Variants in TBX18 observed in about 807,000 individuals in gnomAD.
TBX18 encodes the protein T-box transcription factor TBX18.
In TBX18, 21 loss-of-function variants were observed where a neutral mutation model predicts 55.0. That is an observed-to-expected ratio of 0.38 (90% confidence interval 0.27 to 0.55). TBX18 has a LOEUF of 0.55. Among genes scored for constraint, TBX18 ranks in the 20% least tolerant of loss-of-function variants. TBX18 has a pLI of 0.73. For synonymous variants in TBX18, 342 were observed against 326.1 expected, an observed-to-expected ratio of 1.05 and a Z score of -0.53; for missense variants, 840 against 799.6, an observed-to-expected ratio of 1.05 and a Z score of -0.61.
At position 84,748,022 on chromosome 6, in the gene TBX18, G is replaced by C. The variant is rs371936509; in HGVS notation, c.837C>G (p.Asp279Glu). 1 of 1,613,498 alleles carries C rather than the reference G, an allele frequency of 6.2e-7. No individual in the cohort carries two copies. Among genetic ancestry groups the C allele is most frequent in the Non-Finnish European group, 8.5e-7 (1 of 1,179,528 alleles). Residue 279 changes from aspartate to glutamate, a missense_variant, in exon 5 of 8, where the codon GAC becomes GAG. Transcript: ENST00000369663. ...GAACAGGCTTGATGGGAGAAAGATCGTCTCCACAGTCTTTACGGATGACGT... is the reference window on the plus strand; with the variant it reads ...GAACAGGCTTGATGGGAGAAAGATCCTCTCCACAGTCTTTACGGATGACGT... ...RVHVIRKDCGDDLSPIKPVPS... is the reference protein window; with the variant it reads ...RVHVIRKDCGEDLSPIKPVPS...
chr6:84,754,209 T>A (rs1455798763), intron 4 of TBX18, among the ~76,000 whole-genome samples: 1 of 152,210 alleles, frequency 6.6e-6, no homozygotes. Flanking sequence ...ATTACAGGCA[T>A]GAGCCACCAT....
chr6:84,746,399 T>C (rs982292317), intron 5 of TBX18, among the ~76,000 whole-genome samples: 2 of 147,748 alleles, frequency 1.4e-5, no homozygotes, highest in Admixed American at 6.8e-5. Flanking sequence ...TCTCATAATA[T>C]ACTAAATATA....
chr6:84,757,786 G>A (rs961377370), intron 3 of TBX18, among the ~76,000 whole-genome samples: 5 of 151,422 alleles, frequency 3.3e-5, no homozygotes, highest in Admixed American at 6.6e-5. Context: ...TTTAAAATAA[G>A]CTAATTAAAA....
intron 5 of TBX18, among the ~76,000 whole-genome samples, chr6:84,746,472 C>A (rs944763924): frequency 4.2e-5 from 6 of 144,222 alleles, no homozygotes; most frequent in Non-Finnish European, 9.1e-5. Context: ...TATTATTGTA[C>A]AGTATATTAT....
At chr6:84,742,858 T>C (rs1767082167) in intron 6 of TBX18, among the ~76,000 whole-genome samples, 1 of 152,094 alleles carries the variant, frequency 6.6e-6, no homozygotes. Context: ...TTCGCCAAGG[T>C]AGAATAGGAG....
intron 5 of TBX18, among the ~76,000 whole-genome samples, chr6:84,744,629 G>A (rs369053868): frequency 3.3e-5 from 5 of 152,044 alleles, no homozygotes; most frequent in Admixed American, 1.3e-4. Flanking sequence ...TGTTGGTAAC[G>A]TGCCCTATAA....
chr6:84,752,561 C>T (rs1424889553), intron 4 of TBX18, among the ~76,000 whole-genome samples: 3 of 152,186 alleles, frequency 2.0e-5, no homozygotes, highest in Non-Finnish European at 4.4e-5. Context: ...AGTTCATCAG[C>T]TCATTTAGTT....
chr6:84,758,527 GAC>G (rs1255206880), intron 3 of TBX18, among the ~76,000 whole-genome samples: 1 of 151,800 alleles, frequency 6.6e-6, no homozygotes, highest in Non-Finnish European at 1.5e-5. Context: ...TCTAATAAGT[GAC>G]AATAATTTTT....
At chr6:84,738,943 C>T (rs1022877202) in intron 6 of TBX18, among the ~76,000 whole-genome samples, 1 of 152,178 alleles carries the variant, frequency 6.6e-6, no homozygotes, top group East Asian at 1.9e-4. Context: ...CTGGAACACA[C>T]CCACTCTCCT....
chr6:84,753,723 T>C (rs1191269070), intron 4 of TBX18, among the ~76,000 whole-genome samples: 1 of 152,218 alleles, frequency 6.6e-6, no homozygotes, highest in Admixed American at 6.5e-5. Context: ...ATTCCTAATA[T>C]TTAATCTAGC....
chr6:84,745,215 C>T (rs1461370261), intron 5 of TBX18, among the ~76,000 whole-genome samples: 3 of 152,040 alleles, frequency 2.0e-5, no homozygotes, highest in Non-Finnish European at 4.4e-5. Context: ...AAATTTTTTA[C>T]AAATGGTTTA....
At chr6:84,748,470 C>G (rs184774640) in intron 4 of TBX18, among the ~76,000 whole-genome samples, 1 of 152,280 alleles carries the variant, frequency 6.6e-6, no homozygotes, top group East Asian at 1.9e-4. Context: ...TTGCACCACA[C>G]CCATCCCCTA....
chr6:84,755,279 T>C (rs554803635), intron 4 of TBX18, among the ~76,000 whole-genome samples: 3 of 152,204 alleles, frequency 2.0e-5, no homozygotes, highest in Non-Finnish European at 4.4e-5. Flanking sequence ...TGAAGGTATA[T>C]AGTTTTTATC....
rs4407684 is a variant in TBX18 at position 84,733,931 on chromosome 6, T to C, written c.*2754A>G. The C allele has an allele frequency of 0.46, 69,273 of 151,966 alleles. 16,769 individuals carry two copies. The highest frequency in any genetic ancestry group is 0.53 in the Non-Finnish European group (36,145 of 67,946). The allele number at this position is 151,966 out of a possible 1,614,324, so 9.4% of individuals were successfully genotyped here. ...GGGGCCACCAAGGATTCCTGACCCC[T>C]TACATTCCAGAAATCAAGGGTCAGC... On this transcript the variant is annotated 3_prime_UTR_variant, in exon 8 of 8. Transcript: ENST00000369663.
At chr6:84,737,830 G>A (rs1260325978) in intron 7 of TBX18, among the ~76,000 whole-genome samples, 2 of 152,162 alleles carry the variant, frequency 1.3e-5, no homozygotes, top group Non-Finnish European at 2.9e-5. Flanking sequence ...GTTTTATATA[G>A]TGTCTCAAAA....
chr6:84,746,592 G>A (rs1170023802), intron 5 of TBX18, among the ~76,000 whole-genome samples: 2 of 143,840 alleles, frequency 1.4e-5, no homozygotes, highest in Admixed American at 7.0e-5. Context: ...TTTATATAAT[G>A]TATATATCTT....
rs778475965 is a variant in TBX18, at chr6:84,756,785, C to A, written c.684G>T (p.Ser228=). The part of the protein sequence containing the change: ...VPPRVYIHPD[S]PASGETWMRQ... Reference sequence around the variant, plus strand: ...TCATCCAAGTCTCCCCCGAGGCAGGCGAGTCTGGATGAATGTACACACGGG... The same window carrying A: ...TCATCCAAGTCTCCCCCGAGGCAGGAGAGTCTGGATGAATGTACACACGGG... Residue 228 remains serine, a synonymous_variant, in exon 4 of 8, where the codon TCG becomes TCT. Coordinates refer to ENST00000369663, the MANE Select transcript of TBX18 (RefSeq NM_001080508.3). 1.2e-6 allele frequency: 2 copies of A among 1,613,952 alleles called. No individual in the cohort carries two copies. Among genetic ancestry groups the A allele is most frequent in the Non-Finnish European group, 1.7e-6 (2 of 1,180,026 alleles).
chr6:84,763,179 C>G (rs9450019), intron 1 of TBX18: 4 of 358,480 alleles, frequency 1.1e-5, no homozygotes, highest in Non-Finnish European at 2.2e-5. Context: ...GCAAAAGCGC[C>G]CGGACTCTGG....
chr6:84,763,983 A>G lies in TBX18; in HGVS notation c.199T>C (p.Ser67Pro). The change falls in exon 1 of 8, where the codon TCT (serine) becomes CCT (proline). Residue 67 changes from serine (S) to proline (P), a missense_variant. Coordinates refer to ENST00000369663, the MANE Select transcript of TBX18 (RefSeq NM_001080508.3). ...AGCGCAGCGCCTTCGTCTCCCTCAG[A>G]AGAACCCTTTTCGCCCGCGCCGCCG... ...RGGGAGEKGS[S>P]EGDEGAALPP... The G allele has an allele frequency of 1.3e-6, 2 of 1,582,230 alleles. No individual in the cohort carries two copies. The highest frequency in any genetic ancestry group is 8.5e-7 in the Non-Finnish European group (1 of 1,169,616).
Sources: allele counts gnomAD v4.1 joint callset (sites outside exome capture counted in the v4.1 genomes callset), GRCh38; gene constraint gnomAD v4.1.1; transcripts MANE v1.5; gene names NCBI Gene and HGNC (gene_info 2026-07-23, HGNC 2026-07-21).